BRINP3: variants seen among roughly 807,000 people sequenced by gnomAD.
The protein encoded by BRINP3 is BMP/retinoic acid-inducible neural-specific protein 3.
BRINP3 carries 19 observed loss-of-function variants against 71.0 expected under a neutral mutation model. The observed-to-expected ratio is 0.27, with a 90% CI of 0.19 to 0.39. The LOEUF (loss-of-function observed/expected upper bound fraction) is 0.39. BRINP3 is among the 10% of genes least tolerant of loss of function. The pLI, the probability that BRINP3 is intolerant of heterozygous loss-of-function variation, is 1.00. For synonymous variants in BRINP3, 380 were observed against 337.7 expected (o/e 1.13, Z -1.37); for missense variants, 959 against 940.8 (o/e 1.02, Z -0.25).
chr1:190,108,134 T>C (rs1369863006), intron 7 of BRINP3, among the ~76,000 whole-genome samples: 2 of 152,066 alleles, frequency 1.3e-5, no homozygotes, highest in Admixed American at 6.6e-5. Flanking sequence ...CTTCTAGGAA[T>C]CCTTGATAGG....
chr1:190,410,848 G>A (rs952572440), intron 2 of BRINP3, among the ~76,000 whole-genome samples: 5 of 152,066 alleles, frequency 3.3e-5, no homozygotes, highest in African/African-American at 9.7e-5. Context: ...TGAGGCAAAA[G>A]TCCAACTAAA....
intron 6 of BRINP3, among the ~76,000 whole-genome samples, chr1:190,192,052 C>T: frequency 6.6e-6 from 1 of 152,066 alleles, no homozygotes; most frequent in East Asian, 1.9e-4. Flanking sequence ...ACTAATTTAG[C>T]TACAAACAAC....
At chr1:190,179,124 T>C (rs971233909) in intron 6 of BRINP3, among the ~76,000 whole-genome samples, 7 of 152,142 alleles carry the variant, frequency 4.6e-5, no homozygotes, top group Admixed American at 1.3e-4. Context: ...CCTTAATATA[T>C]TTAAGTTGGA....
At chr1:190,401,653 T>A (rs1671937957) in intron 2 of BRINP3, among the ~76,000 whole-genome samples, 1 of 152,088 alleles carries the variant, frequency 6.6e-6, no homozygotes, top group Non-Finnish European at 1.5e-5. Context: ...CTTTCTCAAG[T>A]CCATCAAAGT....
intron 2 of BRINP3, among the ~76,000 whole-genome samples, chr1:190,347,530 C>T (rs575869335): frequency 6.6e-6 from 1 of 152,234 alleles, no homozygotes; most frequent in Non-Finnish European, 1.5e-5. Context: ...TAATCTGTTT[C>T]TCCAGGATTT....
intron 1 of BRINP3, among the ~76,000 whole-genome samples, chr1:190,461,438 G>T (rs1676393431): frequency 6.6e-6 from 1 of 151,960 alleles, no homozygotes; most frequent in South Asian, 2.1e-4. Context: ...ATTTTTTTAT[G>T]CTCCCATTAC....
intron 2 of BRINP3, among the ~76,000 whole-genome samples, chr1:190,410,295 T>C (rs1447651241): frequency 6.6e-6 from 1 of 152,148 alleles, no homozygotes; most frequent in African/African-American, 2.4e-5. Flanking sequence ...ATTTTTGGCC[T>C]GATCAACTAG....
chr1:190,130,400 T>A (rs561628619), intron 7 of BRINP3, among the ~76,000 whole-genome samples: 2 of 152,178 alleles, frequency 1.3e-5, no homozygotes, highest in East Asian at 3.9e-4. Flanking sequence ...AAACTAGATT[T>A]CATATCTTTA....
At chr1:190,316,534 T>C (rs1665893533) in intron 2 of BRINP3, among the ~76,000 whole-genome samples, 1 of 152,098 alleles carries the variant, frequency 6.6e-6, no homozygotes, top group Non-Finnish European at 1.5e-5. Context: ...CAGATAATAT[T>C]AATATGGTTA....
chr1:190,166,516 G>A (rs953368117), intron 6 of BRINP3, among the ~76,000 whole-genome samples: 8 of 152,088 alleles, frequency 5.3e-5, no homozygotes, highest in African/African-American at 1.9e-4. Flanking sequence ...TTGCAACTAC[G>A]GAGGGATTGG....
intron 4 of BRINP3, among the ~76,000 whole-genome samples, chr1:190,263,823 A>C (rs545198647): frequency 1.3e-5 from 2 of 152,050 alleles, no homozygotes; most frequent in Admixed American, 1.3e-4. Flanking sequence ...CCCGACCTCA[A>C]GTGATCCCCC....
chr1:190,125,761 A>G (rs1654036814), intron 7 of BRINP3, among the ~76,000 whole-genome samples: 1 of 151,978 alleles, frequency 6.6e-6, no homozygotes, highest in Non-Finnish European at 1.5e-5. Flanking sequence ...ATTTTCTAAC[A>G]TTTGGTACCT....
At chr1:190,373,434 A>G (rs1782553) in intron 2 of BRINP3, among the ~76,000 whole-genome samples, 47,570 of 143,526 alleles carry the variant, frequency 0.33, 8,309 homozygotes, top group Admixed American at 0.44. Flanking sequence ...ATATATATAT[A>G]TGTGTGTGTG....
At chr1:190,245,522 TA>T (rs1659511982) in intron 4 of BRINP3, among the ~76,000 whole-genome samples, 1 of 152,068 alleles carries the variant, frequency 6.6e-6, no homozygotes, top group Admixed American at 6.6e-5. Context: ...CAGTTTTCTT[TA>T]ACTGAAACAT....
intron 2 of BRINP3, among the ~76,000 whole-genome samples, chr1:190,430,543 A>C (rs962741903): frequency 2.0e-5 from 3 of 152,144 alleles, no homozygotes; most frequent in Admixed American, 2.0e-4. Flanking sequence ...TCAGAGTCCC[A>C]ATTTTGGGTA....
chr1:190,332,179 C>T (rs1431282591), intron 2 of BRINP3, among the ~76,000 whole-genome samples: 6 of 151,926 alleles, frequency 3.9e-5, no homozygotes, highest in South Asian at 2.1e-4. Flanking sequence ...TATATGAACA[C>T]GTGTGTGAAT....
intron 5 of BRINP3, among the ~76,000 whole-genome samples, 199 bp downstream of exon 5, chr1:190,234,173 A>G (rs1391975592): frequency 3.9e-5 from 6 of 152,176 alleles, no homozygotes; most frequent in Non-Finnish European, 8.8e-5. Flanking sequence ...TGAGAAGAAA[A>G]GAAAATTTTT....
intron 7 of BRINP3, among the ~76,000 whole-genome samples, chr1:190,149,051 A>G (rs769704770): frequency 2.6e-4 from 39 of 152,234 alleles, no homozygotes; most frequent in Non-Finnish European, 5.3e-4. Flanking sequence ...AGAATCCTCA[A>G]TTGTGAATTT....
At chr1:190,379,254 G>A (rs1670368588) in intron 2 of BRINP3, among the ~76,000 whole-genome samples, 1 of 152,138 alleles carries the variant, frequency 6.6e-6, no homozygotes, top group African/African-American at 2.4e-5. Context: ...AATTAAATAT[G>A]TGTTTATTGA....
Sources: allele counts gnomAD v4.1 joint callset (sites outside exome capture counted in the v4.1 genomes callset), GRCh38; gene constraint gnomAD v4.1.1; transcripts MANE v1.5; gene names NCBI Gene and HGNC (gene_info 2026-07-23, HGNC 2026-07-21).